ELMOD1: variants seen among roughly 807,000 people sequenced by gnomAD.
ELMOD1 encodes ELMO domain-containing protein 1.
In ELMOD1, 21 loss-of-function variants were observed where a neutral mutation model predicts 46.7. The ratio of observed to expected loss-of-function variants is 0.45; its 90% CI spans 0.32 to 0.65. ELMOD1 has a LOEUF of 0.65. Ranked by LOEUF, ELMOD1 falls within the 30% of genes least tolerant of loss-of-function variation. The probability of loss-of-function intolerance (pLI) is 0.04; values close to 1 mark genes in which losing one functional copy is unlikely to be tolerated. For synonymous variants in ELMOD1, 122 were observed against 138.2 expected (o/e 0.88, Z 0.82); for missense variants, 348 against 407.8 (o/e 0.85, Z 1.26).
chr11:107,619,823 T>C (rs1865918249), intron 2 of ELMOD1, among the ~76,000 whole-genome samples: 1 of 152,186 alleles, frequency 6.6e-6, no homozygotes, highest in Non-Finnish European at 1.5e-5. Context: ...CACATCCCTA[T>C]TAGTTATGTG....
chr11:107,625,150 C>T (rs891950552), intron 2 of ELMOD1, among the ~76,000 whole-genome samples: 26 of 152,156 alleles, frequency 1.7e-4, no homozygotes, highest in African/African-American at 3.6e-4. Context: ...AGCTCTTATA[C>T]GGATGGTCCC....
intron 1 of ELMOD1, among the ~76,000 whole-genome samples, chr11:107,607,159 C>T (rs995983646): frequency 6.6e-6 from 1 of 152,168 alleles, no homozygotes; most frequent in South Asian, 2.1e-4. Context: ...TCCAAAATCT[C>T]CACTTGATGG....
Position 107,631,636 on chromosome 11 carries a change from T to C in ELMOD1, c.249T>C (p.Asp83=). 1 of 1,562,228 alleles carries C rather than the reference T, an allele frequency of 6.4e-7. No individual in the cohort carries two copies. Among genetic ancestry groups the C allele is most frequent in the Non-Finnish European group, 8.7e-7 (1 of 1,152,266 alleles). Reference sequence around the variant, plus strand: ...ACGCTATTGAAAAAACTATAGAAGATATCATGGAACTGAAAAAAATTAATC... The same window carrying C: ...ACGCTATTGAAAAAACTATAGAAGACATCATGGAACTGAAAAAAATTAATC... ...HPDAIEKTIE[D]IMELKKINPD... The change falls in exon 5 of 12, where the codon GAT becomes GAC. Residue 83 remains aspartate, a synonymous_variant. Coordinates refer to ENST00000265840, the MANE Select transcript of ELMOD1 (RefSeq NM_018712.4).
In ELMOD1 at chr11:107,592,537, A is replaced by G; in HGVS notation, c.-86+1128A>G. 9.0e-6 allele frequency: 4 copies of G among 444,686 alleles called. No homozygotes were observed. In the East Asian group the frequency reaches 2.4e-4, roughly 26 times the overall value. The allele number at this position is 444,686 out of a possible 1,614,324, so 27.5% of individuals were successfully genotyped here. A position where few individuals can be genotyped will look rare whatever the true frequency, so the allele number is the denominator to read the frequency against. On this transcript the variant is annotated intron_variant, in intron 1 of 11. Transcript: ENST00000265840. ...TGTATTGGGATAAATGTCTTAATTC[A>G]TTAACCTATTATGACAACACGTAGT... is the stretch of plus-strand genomic sequence containing the variant.
chr11:107,625,055 T>C (rs1027328580), intron 2 of ELMOD1, among the ~76,000 whole-genome samples: 2 of 152,226 alleles, frequency 1.3e-5, no homozygotes, highest in Admixed American at 1.3e-4. Context: ...CTTGTTTTCC[T>C]AGAGACCCAC....
At chr11:107,620,246 A>G (rs547273) in intron 2 of ELMOD1, 52 of 152,366 alleles carry the variant, frequency 3.4e-4, no homozygotes, top group African/African-American at 1.2e-3. Context: ...GAGATGTTCT[A>G]GAATGAAATG....
intron 1 of ELMOD1, among the ~76,000 whole-genome samples, chr11:107,611,743 C>T (rs552337537): frequency 2.0e-3 from 288 of 146,134 alleles, no homozygotes; most frequent in Non-Finnish European, 3.4e-3. Context: ...GCAAAAGACA[C>T]GAACAGACAC....
chr11:107,594,121 T>A (rs889169646), intron 1 of ELMOD1, among the ~76,000 whole-genome samples: 1 of 150,620 alleles, frequency 6.6e-6, no homozygotes, highest in African/African-American at 2.4e-5. Flanking sequence ...GTAGTGTGTG[T>A]TTATGGTGGT....
intron 1 of ELMOD1, among the ~76,000 whole-genome samples, chr11:107,607,794 T>C (rs545615631): frequency 6.6e-6 from 1 of 152,326 alleles, no homozygotes; most frequent in South Asian, 2.1e-4. Context: ...CAAACATTAT[T>C]ATTTATGAGT....
chr11:107,647,677 A>G, intron 7 of ELMOD1, 76 bp downstream of exon 7: 3 of 1,450,246 alleles, frequency 2.1e-6, no homozygotes, highest in Non-Finnish European at 2.8e-6. Flanking sequence ...AAAGTTGAGT[A>G]ATTAGCTTCA....
chr11:107,619,641 G>A (rs1289630249), intron 2 of ELMOD1, among the ~76,000 whole-genome samples: 2 of 152,162 alleles, frequency 1.3e-5, no homozygotes, highest in Non-Finnish European at 2.9e-5. Context: ...CTCAAAACCA[G>A]TAATTTTAGG....
Position 107,608,222 on chromosome 11 carries a change from G to A in ELMOD1, c.-85-9883G>A, listed in dbSNP as rs117898524. On this transcript the variant is annotated intron_variant, in intron 1 of 11. Coordinates refer to ENST00000265840, the MANE Select transcript of ELMOD1 (RefSeq NM_018712.4). The stretch of plus-strand genomic sequence containing the variant: ...TGGCATGAAAAGAAAACAAGAAGAG[G>A]CAATTAGGGAAACCTAAAGGACCAT... Among the ~76,000 whole-genome samples the A allele has an allele frequency of 4.9e-3, 746 of 152,022 alleles. 57 individuals carry two copies. In the East Asian group the frequency reaches 0.12, roughly 25 times the overall value.
intron 6 of ELMOD1, among the ~76,000 whole-genome samples, chr11:107,638,463 A>G (rs543072833): frequency 6.6e-6 from 1 of 152,256 alleles, no homozygotes; most frequent in East Asian, 1.9e-4. Flanking sequence ...ATGTGAGCTC[A>G]CATAGGGTGG....
intron 6 of ELMOD1, among the ~76,000 whole-genome samples, chr11:107,644,281 G>A (rs1405714087): frequency 6.6e-6 from 1 of 150,812 alleles, no homozygotes; most frequent in Admixed American, 6.6e-5. Flanking sequence ...GGGCGGCAGA[G>A]TGAGACCCTG....
chr11:107,599,325 A>G (rs890776787), intron 1 of ELMOD1, among the ~76,000 whole-genome samples: 3 of 148,424 alleles, frequency 2.0e-5, no homozygotes, highest in African/African-American at 7.3e-5. Context: ...AGAGTGTGCC[A>G]TGTTTTAATT....
At chr11:107,619,276 T>C (rs1456068727) in intron 2 of ELMOD1, among the ~76,000 whole-genome samples, 2 of 152,224 alleles carry the variant, frequency 1.3e-5, no homozygotes, top group Non-Finnish European at 1.5e-5. Flanking sequence ...TCATCAGCAT[T>C]TGTTTTATTG....
At chr11:107,608,385 G>A (rs754374365) in intron 1 of ELMOD1, among the ~76,000 whole-genome samples, 46 of 151,922 alleles carry the variant, frequency 3.0e-4, no homozygotes, top group Non-Finnish European at 5.4e-4. Flanking sequence ...ACCTGTAAAG[G>A]GAAAGGTGTG....
intron 9 of ELMOD1, 72 bp from the exon 10 acceptor site, chr11:107,654,099 TA>T: frequency 8.0e-7 from 1 of 1,253,180 alleles, no homozygotes; most frequent in Non-Finnish European, 1.1e-6. Flanking sequence ...AGTTTTAACA[TA>T]AGCATTAAAA....
rs11390120 is a variant in ELMOD1 at position 107,645,089 on chromosome 11, AT to A, written c.421-2358del. Among the ~76,000 whole-genome samples the A allele has an allele frequency of 8.2e-3, 841 of 103,162 alleles. 2 individuals carry two copies. Among genetic ancestry groups the A allele is most frequent in the African/African-American group, 0.02 (532 of 26,060 alleles). The allele number at this position is 103,162 out of a possible 152,430, so 67.7% of individuals were successfully genotyped here. On this transcript the variant is annotated intron_variant, in intron 6 of 11. Coordinates refer to ENST00000265840, the MANE Select transcript of ELMOD1 (RefSeq NM_018712.4). ...AGGCGCCCACCACCATGCCTGGCTA[AT>A]TTTTTTTTTTTTTTTTTTTTGTATT...
Sources: gnomAD v4.1 joint callset for allele counts (sites outside exome capture counted in the v4.1 genomes callset) on GRCh38, gnomAD v4.1.1 for gene constraint, MANE v1.5 for transcripts, NCBI Gene and HGNC (gene_info 2026-07-23, HGNC 2026-07-21) for gene names.